The following ATP5F1A variants were observed in gnomAD, a reference collection of about 807,000 sequenced individuals.
The protein encoded by ATP5F1A is ATP synthase F1 subunit alpha, also known as ATP synthase F(1) complex subunit alpha, mitochondrial.
ATP5F1A carries 24 observed loss-of-function variants against 57.4 expected under a neutral mutation model. That is an observed-to-expected ratio of 0.42 (90% CI 0.30 to 0.59). ATP5F1A has a LOEUF of 0.59. Among genes scored for constraint, ATP5F1A ranks in the 20% least tolerant of loss-of-function variants. The probability of loss-of-function intolerance (pLI) is 0.19; values close to 1 mark genes in which losing one functional copy is unlikely to be tolerated. For synonymous variants in ATP5F1A, 251 were observed against 255.5 expected (o/e 0.98, Z 0.17); for missense variants, 494 against 707.9 (o/e 0.70, Z 3.43).
At chr18:46,097,772 C>A in intron 1 of ATP5F1A, 2 of 1,010,544 alleles carry the variant, frequency 2.0e-6, no homozygotes, top group Non-Finnish European at 2.4e-6. Flanking sequence ...TCAACAAGAG[C>A]TGACAGCAGT....
rs546777705 is a variant in ATP5F1A at position 46,092,003 on chromosome 18, C to T, written c.140-152G>A. The stretch of plus-strand genomic sequence containing the variant: ...GCCTGACCAACATGGAGAACCCTGT[C>T]TCTACTAAAAATACAAAATTAGCTG... On this transcript the variant is annotated intron_variant, in intron 2 of 11. Coordinates refer to ENST00000398752, the MANE Select transcript of ATP5F1A (RefSeq NM_004046.6). The T allele has an allele frequency of 1.1e-4, 62 of 561,022 alleles. No homozygotes were observed. The African/African-American group carries it at 1.2e-3, about 11-fold the overall frequency. The allele number at this position is 561,022 out of a possible 1,614,324, so 34.8% of individuals were successfully genotyped here. A position where few individuals can be genotyped will look rare whatever the true frequency, so the allele number is the denominator to read the frequency against.
upstream of ATP5F1A, among the ~76,000 whole-genome samples, chr18:46,099,112 TCAA>T (rs1048756060): frequency 1.3e-5 from 2 of 152,180 alleles, no homozygotes; most frequent in Admixed American, 6.5e-5. Flanking sequence ...AAAAAATATA[TCAA>T]CAATCACAAG....
intron 1 of ATP5F1A, chr18:46,097,957 AGTTAACT>A (rs1911086555): frequency 7.7e-7 from 1 of 1,305,516 alleles, no homozygotes; most frequent in Non-Finnish European, 9.7e-7. Context: ...GACACCATCG[AGTTAACT>A]GTCTGCCCTG....
In ATP5F1A at chr18:46,084,572, A is replaced by C. The variant is rs753837503; in HGVS notation, c.1512T>G (p.Ile504Met). 13 of 1,612,998 alleles carry C rather than the reference A, an allele frequency of 8.1e-6. No homozygotes were observed. The highest frequency in any genetic ancestry group is 1.0e-5 in the Non-Finnish European group (12 of 1,179,776). Residue 504 changes from isoleucine (I) to methionine (M), a missense_variant, in exon 11 of 12, where the codon ATT becomes ATG. Coordinates refer to ENST00000398752, the MANE Select transcript of ATP5F1A (RefSeq NM_004046.6). ...ACAAGAAAGCATTCTCAAACTTTGT[A>C]ATCTTGCTGGGCTCCAGTTTATCAA... is the stretch of plus-strand genomic sequence containing the variant. ...GYLDKLEPSK[I>M]TKFENAFLSH...
chr18:46,093,113 C>G (rs2144204040), intron 2 of ATP5F1A: 1 of 152,130 alleles, frequency 6.6e-6, no homozygotes, highest in South Asian at 2.1e-4. Flanking sequence ...AGCCCCACTG[C>G]ACTCCAGCCT....
In ATP5F1A at chr18:46,084,528, T is replaced by C. The variant is rs761593652; in HGVS notation, c.1556A>G (p.His519Arg). ...CCTGATAGTGCCCAACAAGGCTTGG[T>C]GCTGGCTGACGACATGAGACAAGAA... ...NAFLSHVVSQ[H>R]QALLGTIRAD... The change falls in exon 11 of 12, where the codon CAC becomes CGC. Residue 519 changes from histidine to arginine, a missense_variant. Around this residue, in one of 6 missense-constraint regions of ATP5F1A, gnomAD observed 127 missense variants for 195.2 expected, o/e 0.65. Coordinates refer to ENST00000398752, the MANE Select transcript of ATP5F1A (RefSeq NM_004046.6). The C allele has an allele frequency of 5.0e-6, 8 of 1,605,252 alleles. No individual in the cohort carries two copies. The highest frequency in any genetic ancestry group is 1.3e-5 in the African/African-American group (1 of 74,384).
rs775342845 is a variant in ATP5F1A at position 46,086,171 on chromosome 18, A to C, written c.1371T>G (p.Thr457=). 1.9e-6 allele frequency: 3 copies of C among 1,612,412 alleles called. No homozygotes were observed. ...AQFGSDLDAA[T]QQLLSRGVRL... ...GCACGCCACGACTCAAAAGTTGTTG[A>C]GTGGCAGCATCGAGGTCAGAACCGA... is the stretch of plus-strand genomic sequence containing the variant. The change falls in exon 10 of 12, where the codon ACT becomes ACG. Residue 457 remains threonine, a synonymous_variant. Transcript: ENST00000398752.
chr18:46,098,883 T>G (rs1911174105), upstream of ATP5F1A, among the ~76,000 whole-genome samples: 1 of 152,202 alleles, frequency 6.6e-6, no homozygotes, highest in Admixed American at 6.5e-5. Context: ...ATTCCCAGCT[T>G]TTTTAGATTC....
chr18:46,091,108 A>G (rs72903427), intron 3 of ATP5F1A, among the ~76,000 whole-genome samples: 7,530 of 152,262 alleles, frequency 0.049, 200 homozygotes, highest in African/African-American at 0.068. Flanking sequence ...ATCTTTTCCC[A>G]TATCTGCATG....
In ATP5F1A at chr18:46,083,995, A is replaced by C. The variant is rs1909905330; in HGVS notation, c.*287T>G. ...GTGAGAATCAGTCTCAAAAAAAAAA[A>C]CAAAAAAAAAACTTACAAAGAGCTC... On this transcript the variant is annotated 3_prime_UTR_variant, in exon 12 of 12. Transcript: ENST00000398752. The C allele has an allele frequency of 9.2e-5, 18 of 196,402 alleles. No individual in the cohort carries two copies. Among genetic ancestry groups the C allele is most frequent in the East Asian group, 3.4e-4 (3 of 8,806 alleles). 12.2% of individuals were successfully genotyped at this position (196,402 alleles called of 1,614,324 possible). A position where few individuals can be genotyped will look rare whatever the true frequency, so the allele number is the denominator to read the frequency against.
chr18:46,088,140 A>C lies in ATP5F1A; in HGVS notation c.768T>G (p.Val256=). The C allele has an allele frequency of 1.9e-6, 3 of 1,601,012 alleles. No individual in the cohort carries two copies. The highest frequency in any genetic ancestry group is 2.5e-6 in the Non-Finnish European group (3 of 1,177,526). ...YVAIGQKRST[V]AQLVKRLTDA... ...CTGTAAGTCTCTTCACCAACTGGGC[A>C]ACAGTGGATCTCTTTTGACCAATAG... Residue 256 remains valine, a synonymous_variant, in exon 6 of 12, where the codon GTT becomes GTG. Transcript: ENST00000398752.
chr18:46,091,889 T>C (rs759286676), intron 2 of ATP5F1A, 38 bp from the exon 3 acceptor site: 1 of 1,586,744 alleles, frequency 6.3e-7, no homozygotes. Flanking sequence ...AAAAATAATC[T>C]GGGCCAGGCA....
intron 2 of ATP5F1A, among the ~76,000 whole-genome samples, chr18:46,092,661 T>A (rs1910652747): frequency 6.6e-6 from 1 of 151,250 alleles, no homozygotes; most frequent in African/African-American, 2.4e-5. Context: ...CGAGATTCTA[T>A]TTTTAAAAGC....
At chr18:46,088,323 AAGAG>A in intron 5 of ATP5F1A, 66 bp from the exon 6 acceptor site, 1 of 1,390,710 alleles carries the variant, frequency 7.2e-7, no homozygotes, top group South Asian at 1.4e-5. Flanking sequence ...GGGGGAAAGA[AAGAG>A]AGATCAGACT....
upstream of ATP5F1A, among the ~76,000 whole-genome samples, chr18:46,099,988 C>T (rs556222078): frequency 3.4e-4 from 51 of 152,092 alleles, no homozygotes; most frequent in African/African-American, 9.9e-4. Flanking sequence ...CAGTGGCTCA[C>T]GCCTGTAATC....
Position 46,083,179 on chromosome 18 carries a change from C to G in ATP5F1A, c.*1103G>C, listed in dbSNP as rs950964222. 2 of 152,354 alleles carry G rather than the reference C, an allele frequency of 1.3e-5. No homozygotes were observed. Among genetic ancestry groups the G allele is most frequent in the Non-Finnish European group, 2.9e-5 (2 of 68,188 alleles). 9.4% of individuals were successfully genotyped at this position (152,354 alleles called of 1,614,324 possible). A position where few individuals can be genotyped will look rare whatever the true frequency, so the allele number is the denominator to read the frequency against. ...AGATGGCCGGGCATGGTAGTTCACA[C>G]CTGTAATCCCAGCACTTTGGGAGAC... On this transcript the variant is annotated 3_prime_UTR_variant, in exon 12 of 12. Coordinates refer to ENST00000398752, the MANE Select transcript of ATP5F1A (RefSeq NM_004046.6).
intron 8 of ATP5F1A, 158 bp from the exon 9 acceptor site, chr18:46,086,652 C>T: frequency 3.0e-6 from 2 of 665,840 alleles, no homozygotes; most frequent in Middle Eastern, 2.9e-4. Context: ...TATTTTATTG[C>T]TGCAATTAGG....
At chr18:46,104,178 C>T (rs926242916) in exon 1 of ATP5F1A, 3 of 402,666 alleles carry the variant, frequency 7.5e-6, no homozygotes, top group Non-Finnish European at 1.3e-5. Context: ...TTGATTATAC[C>T]GCGGAAGGCG....
chr18:46,086,294 C>T lies in ATP5F1A; in HGVS notation c.1285-37G>A, dbSNP rs569107755. 5.0e-6 allele frequency: 8 copies of T among 1,613,094 alleles called. No individual in the cohort carries two copies. In the East Asian group the frequency reaches 6.7e-5, roughly 13 times the overall value. Reference sequence around the variant, plus strand: ...AAATTACTGTACTGTAACTCAGTGACACAGAGCACTATACAAATATAGTTA... The same window carrying T: ...AAATTACTGTACTGTAACTCAGTGATACAGAGCACTATACAAATATAGTTA... On this transcript the variant is annotated intron_variant, in intron 9 of 11. Transcript: ENST00000398752.
Sources: allele counts gnomAD v4.1 joint callset (sites outside exome capture counted in the v4.1 genomes callset), GRCh38; gene constraint gnomAD v4.1.1; regional missense constraint gnomAD v4.1.1; transcripts MANE v1.5; gene names NCBI Gene and HGNC (gene_info 2026-07-23, HGNC 2026-07-21).